ARID2: variants seen among roughly 807,000 people sequenced by gnomAD.
ARID2 encodes the protein AT-rich interactive domain-containing protein 2.
In ARID2, 32 loss-of-function variants were observed where a neutral mutation model predicts 184.6. The ratio of observed to expected loss-of-function variants is 0.17; its 90% CI spans 0.13 to 0.23. ARID2 has a LOEUF of 0.23. ARID2 is among the 10% of genes least tolerant of loss of function. ARID2 has a pLI of 1.00. For missense variants in ARID2, 1,696 were observed against 2,197.6 expected (o/e 0.77, Z 4.56); for synonymous variants, 836 against 772.6 (o/e 1.08, Z -1.36).
rs764761431 is a variant in ARID2 at position 45,729,820 on chromosome 12, C to T, written c.-17C>T. ...AACACCGATCTGGGTTTTTTAAAAA[C>T]CTCCTTTGAAAAAATAATGGCAAAC... On this transcript the variant is annotated 5_prime_UTR_variant, in exon 1 of 21. Transcript: ENST00000334344. The T allele has an allele frequency of 1.1e-5, 18 of 1,598,394 alleles. 1 individual carries two copies. In the African/African-American group the frequency reaches 2.0e-4, roughly 18 times the overall value.
At chr12:45,870,229 C>A (rs943848830) in intron 16 of ARID2, among the ~76,000 whole-genome samples, 4 of 152,114 alleles carry the variant, frequency 2.6e-5, no homozygotes. Context: ...ACTTCCTGAT[C>A]CACCCTCCTC....
At chr12:45,839,712 T>TTAA in intron 11 of ARID2, 1 of 430,230 alleles carries the variant, frequency 2.3e-6, no homozygotes, top group Non-Finnish European at 4.0e-6. Flanking sequence ...AATAGGAAAA[T>TTAA]TAAGTTCGGC....
At chr12:45,891,477 A>AT (rs1189532444) in intron 16 of ARID2, among the ~76,000 whole-genome samples, 1 of 152,214 alleles carries the variant, frequency 6.6e-6, no homozygotes, top group Non-Finnish European at 1.5e-5. Flanking sequence ...TGCTTGAGTT[A>AT]TTATATGTAA....
rs921337237 is a variant in ARID2, at chr12:45,851,933, C to T, written c.3810C>T (p.Ser1270=). ...ERKIEVMENP[S]CRRGATNTSN... ...AAATTGAAGTCATGGAGAACCCGTC[C>T]TGCCGACGAGGAGCCACAAACACCA... Residue 1270 remains serine (S), a synonymous_variant, in exon 15 of 21, where the codon TCC becomes TCT. Transcript: ENST00000334344. The T allele has an allele frequency of 6.2e-7, 1 of 1,614,156 alleles. No homozygotes were observed. The highest frequency in any genetic ancestry group is 8.5e-7 in the Non-Finnish European group (1 of 1,180,020).
intron 3 of ARID2, among the ~76,000 whole-genome samples, chr12:45,736,758 C>T (rs971959069): frequency 1.3e-5 from 2 of 152,134 alleles, no homozygotes; most frequent in South Asian, 2.1e-4. Context: ...GAAAAGAAGA[C>T]GAAATGAACT....
intron 3 of ARID2, among the ~76,000 whole-genome samples, chr12:45,782,876 AG>A (rs1942122450): frequency 6.6e-6 from 1 of 151,874 alleles, no homozygotes; most frequent in Non-Finnish European, 1.5e-5. Flanking sequence ...TGGGAGGCTG[AG>A]GCGGGTAGAT....
At chr12:45,745,233 A>G (rs1941332882) in intron 3 of ARID2, among the ~76,000 whole-genome samples, 1 of 152,214 alleles carries the variant, frequency 6.6e-6, no homozygotes, top group South Asian at 2.1e-4. Flanking sequence ...AGAAGTGTGT[A>G]GTTAGCTATA....
chr12:45,799,287 T>C (rs1293972368), intron 3 of ARID2, among the ~76,000 whole-genome samples: 1 of 152,178 alleles, frequency 6.6e-6, no homozygotes, highest in Non-Finnish European at 1.5e-5. Flanking sequence ...TTTAATAGTT[T>C]GTCATGCATT....
chr12:45,816,237 T>A (rs1259755035), intron 4 of ARID2, among the ~76,000 whole-genome samples: 1 of 152,234 alleles, frequency 6.6e-6, no homozygotes, highest in African/African-American at 2.4e-5. Context: ...AAATCTTAGT[T>A]GCTTTGGTTT....
intron 3 of ARID2, among the ~76,000 whole-genome samples, chr12:45,800,466 G>T (rs1054723683): frequency 6.6e-6 from 1 of 151,998 alleles, no homozygotes; most frequent in Non-Finnish European, 1.5e-5. Flanking sequence ...ATGTTGAATT[G>T]ATATTAGAGA....
intron 2 of ARID2, among the ~76,000 whole-genome samples, chr12:45,730,353 G>A (rs2137960581): frequency 6.8e-6 from 1 of 146,210 alleles, no homozygotes; most frequent in African/African-American, 2.4e-5. Flanking sequence ...TCCGGCGGGC[G>A]GGCGGCCCGG....
chr12:45,833,028 A>G (rs1456233186), intron 6 of ARID2, among the ~76,000 whole-genome samples: 1 of 152,164 alleles, frequency 6.6e-6, no homozygotes, highest in Non-Finnish European at 1.5e-5. Flanking sequence ...TCCACAGGTC[A>G]CTGAAGCTCT....
intron 16 of ARID2, among the ~76,000 whole-genome samples, chr12:45,884,666 ATAATTAT>A (rs1333940193): frequency 1.3e-5 from 2 of 152,198 alleles, no homozygotes; most frequent in Non-Finnish European, 2.9e-5. Context: ...TTTTCCTGTA[ATAATTAT>A]TAGGAGGAAA....
chr12:45,818,011 T>C (rs540046737), intron 5 of ARID2, 123 bp downstream of exon 5: 15 of 692,564 alleles, frequency 2.2e-5, no homozygotes, highest in South Asian at 7.4e-5. Flanking sequence ...GTTTTTATAT[T>C]ATGCATTATT....
chr12:45,801,790 T>C (rs1264407486), intron 3 of ARID2, among the ~76,000 whole-genome samples: 1 of 151,668 alleles, frequency 6.6e-6, no homozygotes, highest in African/African-American at 2.4e-5. Context: ...ATGTGTGTAT[T>C]GGGGGGTGGG....
At chr12:45,760,605 T>C (rs1031396689) in intron 3 of ARID2, among the ~76,000 whole-genome samples, 2 of 152,160 alleles carry the variant, frequency 1.3e-5, no homozygotes, top group African/African-American at 4.8e-5. Context: ...TGTGTATCTA[T>C]ACATAAGTTG....
At position 45,901,152 on chromosome 12, in the gene ARID2, TAA is replaced by T. The variant is rs149417714; in HGVS notation, c.5364-3781_5364-3780del. Among the ~76,000 whole-genome samples, 99 of 114,182 alleles carry T rather than the reference TAA, an allele frequency of 8.7e-4. 1 individual carries two copies. The South Asian group carries it at 0.027, about 32-fold the overall frequency. The allele number at this position is 114,182 out of a possible 152,430, so 74.9% of individuals were successfully genotyped here. ...TTAATCTATTTTTTGGAAATTTCCT[TAA>T]TTTTTTTTTTTTTTTTTTTTTTTTT... On this transcript the variant is annotated intron_variant, in intron 20 of 20. Transcript: ENST00000334344.
At chr12:45,747,822 TA>T (rs1941387654) in intron 3 of ARID2, among the ~76,000 whole-genome samples, 1 of 152,192 alleles carries the variant, frequency 6.6e-6, no homozygotes, top group African/African-American at 2.4e-5. Context: ...TTAAGTAAAA[TA>T]GACACTAATG....
At chr12:45,790,852 A>T (rs554672495) in intron 3 of ARID2, among the ~76,000 whole-genome samples, 1 of 152,270 alleles carries the variant, frequency 6.6e-6, no homozygotes, top group South Asian at 2.1e-4. Flanking sequence ...GATTTTTTTT[A>T]ATAATTCCCT....
Sources: allele counts gnomAD v4.1 joint callset (sites outside exome capture counted in the v4.1 genomes callset), GRCh38; gene constraint gnomAD v4.1.1; transcripts MANE v1.5; gene names NCBI Gene and HGNC (gene_info 2026-07-23, HGNC 2026-07-21).